HEMK2: variants seen among roughly 807,000 people sequenced by gnomAD.
HEMK2 encodes methyltransferase HEMK2.
chr21:28,610,587 C>T, the HEMK2 span, among the ~76,000 whole-genome samples: 6 of 152,004 alleles, frequency 3.9e-5, no homozygotes, highest in Non-Finnish European at 8.8e-5. Flanking sequence ...GGCCTAAATG[C>T]TTCATTTAAA....
At chr21:28,663,020 T>C in the HEMK2 span, among the ~76,000 whole-genome samples, 3 of 152,186 alleles carry the variant, frequency 2.0e-5, no homozygotes, top group African/African-American at 4.8e-5. Flanking sequence ...ATCCAGTTTC[T>C]TAGATCTTTG....
At chr21:28,743,046 G>A in the HEMK2 span, among the ~76,000 whole-genome samples, 37 of 152,178 alleles carry the variant, frequency 2.4e-4, no homozygotes, top group African/African-American at 8.4e-4. Flanking sequence ...AAAAATGTTG[G>A]GATTTAGTAT....
chr21:28,599,621 C>A, the HEMK2 span, among the ~76,000 whole-genome samples: 1 of 152,142 alleles, frequency 6.6e-6, no homozygotes, highest in African/African-American at 2.4e-5. Context: ...CAAGTCCTTA[C>A]ATTTCAAAAC....
the HEMK2 span, chr21:28,876,441 G>T: frequency 1.1e-5 from 17 of 1,612,136 alleles, no homozygotes; most frequent in Non-Finnish European, 1.4e-5. Flanking sequence ...TGTCTGGAAA[G>T]TGCAGTGGTT....
At chr21:28,870,027 G>A in the HEMK2 span, among the ~76,000 whole-genome samples, 3 of 152,164 alleles carry the variant, frequency 2.0e-5, no homozygotes, top group Admixed American at 1.3e-4. Flanking sequence ...TCATCCAACC[G>A]GTTAGCACTA....
chr21:28,616,663 G>A, the HEMK2 span, among the ~76,000 whole-genome samples: 548 of 152,210 alleles, frequency 3.6e-3, 4 homozygotes, highest in African/African-American at 0.012. Flanking sequence ...TGGATACTGT[G>A]TTCTTGTAAT....
the HEMK2 span, among the ~76,000 whole-genome samples, chr21:28,682,485 T>A: frequency 9.2e-4 from 139 of 151,430 alleles, 1 homozygote; most frequent in African/African-American, 2.8e-3. Context: ...ATTGTGGAAG[T>A]CGGTGTGGCG....
chr21:28,840,006 C>T, the HEMK2 span, among the ~76,000 whole-genome samples: 39,376 of 151,916 alleles, frequency 0.26, 5,833 homozygotes, highest in African/African-American at 0.4. Context: ...ATGGTACTGG[C>T]ACAAAAATAG....
the HEMK2 span, among the ~76,000 whole-genome samples, chr21:28,810,682 AATAT>A: frequency 6.6e-6 from 1 of 152,210 alleles, no homozygotes. Flanking sequence ...ACTAATAGAC[AATAT>A]CGAGCACATC....
At chr21:28,690,263 A>G in the HEMK2 span, among the ~76,000 whole-genome samples, 1 of 152,176 alleles carries the variant, frequency 6.6e-6, no homozygotes, top group Non-Finnish European at 1.5e-5. Flanking sequence ...CAGCCAAACC[A>G]TATCACTGAG....
the HEMK2 span, among the ~76,000 whole-genome samples, chr21:28,681,416 G>A: frequency 6.6e-6 from 1 of 151,998 alleles, no homozygotes; most frequent in Admixed American, 6.6e-5. Flanking sequence ...ACAAACAAAT[G>A]GAAGAACATT....
At chr21:28,853,177 T>A in the HEMK2 span, among the ~76,000 whole-genome samples, 1 of 152,210 alleles carries the variant, frequency 6.6e-6, no homozygotes, top group South Asian at 2.1e-4. Flanking sequence ...AAGTGACTAA[T>A]CCACTCCAGC....
At chr21:28,818,120 A>T in the HEMK2 span, among the ~76,000 whole-genome samples, 1 of 152,178 alleles carries the variant, frequency 6.6e-6, no homozygotes, top group Non-Finnish European at 1.5e-5. Flanking sequence ...TCCACCCTCA[A>T]TCTGGGTGAG....
the HEMK2 span, among the ~76,000 whole-genome samples, chr21:28,752,152 T>C: frequency 6.6e-6 from 1 of 152,216 alleles, no homozygotes; most frequent in Non-Finnish European, 1.5e-5. Flanking sequence ...TTAATGTACA[T>C]TTTCTCAATT....
At chr21:28,866,887 CA>C in the HEMK2 span, among the ~76,000 whole-genome samples, 3 of 151,978 alleles carry the variant, frequency 2.0e-5, no homozygotes, top group East Asian at 5.8e-4. Flanking sequence ...GCTTAAATGA[CA>C]ATAAAGCAAA....
chr21:28,726,869 T>TA, the HEMK2 span, among the ~76,000 whole-genome samples: 2,318 of 130,268 alleles, frequency 0.018, 28 homozygotes, highest in Non-Finnish European at 0.026. Context: ...GGACCCTATC[T>TA]AAAAAAAAAA....
chr21:28,748,042 C>T, the HEMK2 span, among the ~76,000 whole-genome samples: 6 of 152,286 alleles, frequency 3.9e-5, no homozygotes, highest in South Asian at 6.2e-4. Context: ...CATATTCACA[C>T]TTCTAAGAGG....
chr21:28,882,213 G>T, the HEMK2 span: 1 of 1,607,476 alleles, frequency 6.2e-7, no homozygotes, highest in Admixed American at 1.7e-5. Flanking sequence ...GCTGTCTCTA[G>T]GGTACAAGCT....
the HEMK2 span, among the ~76,000 whole-genome samples, chr21:28,853,452 C>G: frequency 6.6e-6 from 1 of 152,230 alleles, no homozygotes; most frequent in Non-Finnish European, 1.5e-5. Flanking sequence ...ATTCCCATGA[C>G]TGTTGTTCAG....
Sources: gnomAD v4.1 joint callset for allele counts (sites outside exome capture counted in the v4.1 genomes callset) on GRCh38, gnomAD v4.1.1 for gene constraint, MANE v1.5 for transcripts, NCBI Gene and HGNC (gene_info 2026-07-23, HGNC 2026-07-21) for gene names.